The following C3orf33 variants were observed in gnomAD, a reference collection of about 807,000 sequenced individuals.
The protein encoded by C3orf33 is mitochondrial inner membrane subdomain organizer 1.
Under a neutral mutation model 28.7 loss-of-function variants are expected in C3orf33, and 23 were observed. The ratio of observed to expected loss-of-function variants is 0.80; its 90% CI spans 0.58 to 1.13. The LOEUF (loss-of-function observed/expected upper bound fraction) is 1.13, where lower values mean the gene tolerates loss of function less well. Ranked by LOEUF, C3orf33 falls within the 50% of genes most tolerant of loss-of-function variation. The pLI is 0.00. For missense variants in C3orf33, 327 were observed against 353.4 expected, an observed-to-expected ratio of 0.93 and a Z score of 0.60; for synonymous variants, 119 against 120.5, an observed-to-expected ratio of 0.99 and a Z score of 0.08.
chr3:155,767,789 C>G lies in C3orf33; in HGVS notation c.323-120G>C, dbSNP rs180834190. ...ATGTTTATTTATAAATACCCAGTCT[C>G]TCTAACTGTAGACCCATTTATTTCT... On this transcript the variant is annotated intron_variant, in intron 3 of 4. Transcript: ENST00000340171. 1.3e-4 allele frequency: 79 copies of G among 614,564 alleles called. No homozygotes were observed. The Middle Eastern group carries it at 4.9e-3, about 38-fold the overall frequency. The allele number at this position is 614,564 out of a possible 1,614,324, so 38.1% of individuals were successfully genotyped here. A position where few individuals can be genotyped will look rare whatever the true frequency, so the allele number is the denominator to read the frequency against.
intron 2 of C3orf33, among the ~76,000 whole-genome samples, chr3:155,797,984 T>G (rs358700): frequency 0.23 from 35,574 of 151,704 alleles, 5,047 homozygotes; most frequent in East Asian, 0.57. Flanking sequence ...GGCATGAGAA[T>G]TGCTTGAACC....
intron 1 of C3orf33, chr3:155,804,240 A>G (rs1751751659): frequency 6.2e-5 from 23 of 370,140 alleles, no homozygotes; most frequent in South Asian, 4.1e-4. Context: ...GGGTTCTGTG[A>G]TTGGATTATT....
intron 2 of C3orf33, among the ~76,000 whole-genome samples, chr3:155,784,296 G>C (rs1336844657): frequency 1.3e-5 from 2 of 152,164 alleles, no homozygotes; most frequent in African/African-American, 4.8e-5. Flanking sequence ...GAACTGAAAG[G>C]AGTGGGGATG....
rs1577444331 is a variant in C3orf33, at chr3:155,806,223, C to G, written c.30G>C (p.Ser10=). 1.4e-6 allele frequency: 2 copies of G among 1,481,268 alleles called. No individual in the cohort carries two copies. Among genetic ancestry groups the G allele is most frequent in the Admixed American group, 2.1e-5 (1 of 48,260 alleles). 91.8% of individuals were successfully genotyped at this position (1,481,268 alleles called of 1,614,324 possible). A position where few individuals can be genotyped will look rare whatever the true frequency, so the allele number is the denominator to read the frequency against. The part of the protein sequence containing the change: MAGQPAATG[S]PSADKDGMEP... ...CCATTCCGTCCTTGTCGGCAGACGG[C>G]GAGCCGGTGGCCGCGGGCTGCCCCG... The change falls in exon 1 of 5, where the codon TCG becomes TCC. Residue 10 remains serine (S), a synonymous_variant. Coordinates refer to ENST00000340171, the MANE Select transcript of C3orf33 (RefSeq NM_001308229.2).
intron 4 of C3orf33, among the ~76,000 whole-genome samples, chr3:155,766,504 A>T (rs1368905504): frequency 6.6e-6 from 1 of 152,242 alleles, no homozygotes; most frequent in Non-Finnish European, 1.5e-5. Context: ...CAGACTAAGC[A>T]AACCGTCAGA....
intron 2 of C3orf33, among the ~76,000 whole-genome samples, chr3:155,784,341 G>A (rs146567102): frequency 6.6e-6 from 1 of 152,140 alleles, no homozygotes; most frequent in Non-Finnish European, 1.5e-5. Context: ...ATTTTATTGA[G>A]GTTAAGTTGG....
intron 2 of C3orf33, among the ~76,000 whole-genome samples, chr3:155,799,294 G>A (rs766920151): frequency 1.5e-4 from 23 of 152,120 alleles, no homozygotes; most frequent in Non-Finnish European, 2.4e-4. Flanking sequence ...AAGGAAATCC[G>A]TATATCAAAG....
intron 2 of C3orf33, among the ~76,000 whole-genome samples, chr3:155,798,780 C>G (rs1751555642): frequency 6.6e-6 from 1 of 152,004 alleles, no homozygotes; most frequent in Non-Finnish European, 1.5e-5. Context: ...AGGATCATAT[C>G]AAGTTAAAAA....
chr3:155,793,469 A>C (rs2109275506), intron 2 of C3orf33, among the ~76,000 whole-genome samples: 1 of 152,136 alleles, frequency 6.6e-6, no homozygotes, highest in South Asian at 2.1e-4. Context: ...ACAAAGAAAA[A>C]CATGGGATAT....
At chr3:155,781,699 C>G (rs1479301688) in intron 2 of C3orf33, among the ~76,000 whole-genome samples, 3 of 143,950 alleles carry the variant, frequency 2.1e-5, no homozygotes, top group African/African-American at 7.8e-5. Flanking sequence ...AACCCAGGAG[C>G]CAGAGTTTGC....
chr3:155,780,050 GA>G (rs1268338615), intron 2 of C3orf33, among the ~76,000 whole-genome samples: 1 of 152,140 alleles, frequency 6.6e-6, no homozygotes, highest in Non-Finnish European at 1.5e-5. Flanking sequence ...AAAACAACCA[GA>G]ATATAAGTGT....
At chr3:155,788,064 G>A (rs1366247742) in intron 2 of C3orf33, among the ~76,000 whole-genome samples, 5 of 151,820 alleles carry the variant, frequency 3.3e-5, no homozygotes, top group East Asian at 2.0e-4. Context: ...GGTGGCGGGC[G>A]CCTGTAGTCC....
intron 2 of C3orf33, among the ~76,000 whole-genome samples, chr3:155,796,677 T>G (rs933969943): frequency 1.3e-5 from 2 of 152,180 alleles, no homozygotes; most frequent in African/African-American, 2.4e-5. Context: ...TCTACAAGGC[T>G]AGTATTACCC....
intron 2 of C3orf33, among the ~76,000 whole-genome samples, chr3:155,799,974 T>C (rs887496579): frequency 6.6e-6 from 1 of 152,050 alleles, no homozygotes; most frequent in African/African-American, 2.4e-5. Context: ...GAAAATATAA[T>C]TAAATAGAAT....
intron 3 of C3orf33, among the ~76,000 whole-genome samples, chr3:155,772,355 A>G (rs968199716): frequency 1.5e-4 from 23 of 152,270 alleles, no homozygotes; most frequent in African/African-American, 4.8e-4. Flanking sequence ...GCAAACCCCA[A>G]CTAGGGATAC....
In C3orf33 at chr3:155,777,025, T is replaced by C. The variant is rs576517094; in HGVS notation, c.175-1177A>G. Among the ~76,000 whole-genome samples, 384 of 152,238 alleles carry C rather than the reference T, an allele frequency of 2.5e-3. 1 individual carries two copies. The highest frequency in any genetic ancestry group is 8.6e-3 in the African/African-American group (357 of 41,562). ...ATAGATCATCTATTTTTAAAAATCA[T>C]AGTGACAATTGGCCGGGCATGGTGG... On this transcript the variant is annotated intron_variant, in intron 2 of 4. Coordinates refer to ENST00000340171, the MANE Select transcript of C3orf33 (RefSeq NM_001308229.2).
intron 2 of C3orf33, among the ~76,000 whole-genome samples, chr3:155,792,274 C>G (rs1751338336): frequency 6.6e-6 from 1 of 152,118 alleles, no homozygotes; most frequent in South Asian, 2.1e-4. Flanking sequence ...TTGGGATGCC[C>G]CCTAATACAA....
At chr3:155,787,298 A>G (rs1403620017) in intron 2 of C3orf33, among the ~76,000 whole-genome samples, 1 of 151,070 alleles carries the variant, frequency 6.6e-6, no homozygotes, top group Non-Finnish European at 1.5e-5. Flanking sequence ...TGCTGGGCTC[A>G]ATCGATCCTC....
Position 155,775,848 on chromosome 3 carries a change from T to C in C3orf33, c.175A>G (p.Thr59Ala), listed in dbSNP as rs1473080092. 1 of 1,578,894 alleles carries C rather than the reference T, an allele frequency of 6.3e-7. No homozygotes were observed. Among genetic ancestry groups the C allele is most frequent in the Non-Finnish European group, 8.7e-7 (1 of 1,155,754 alleles). ...IMLLLRSIRL[T>A]SKFTSSSDIP... The stretch of plus-strand genomic sequence containing the variant: ...TCCGAAGAGCTTGTAAATTTTGATG[T>C]CTATTGATTTACAGGGAGAAAAATA... The change falls in exon 3 of 5, where the codon ACA becomes GCA. Residue 59 changes from threonine (T) to alanine (A), a missense_variant and splice_region_variant. By Grantham distance (58) the Thr-to-Ala change is moderately conservative. Transcript: ENST00000340171.
Sources: gnomAD v4.1 joint callset for allele counts (sites outside exome capture counted in the v4.1 genomes callset) on GRCh38, gnomAD v4.1.1 for gene constraint, MANE v1.5 for transcripts, NCBI Gene and HGNC (gene_info 2026-07-23, HGNC 2026-07-21) for gene names.